LARS2: variants seen among roughly 807,000 people sequenced by gnomAD.
LARS2 encodes leucyl-tRNA synthetase 2, mitochondrial, also known as leucine--tRNA ligase, mitochondrial.
A neutral mutation model predicts 116.6 loss-of-function variants in LARS2; 81 were observed. That is an observed-to-expected ratio of 0.69 (90% CI 0.58 to 0.84). LARS2 has a LOEUF of 0.84. Ranked by LOEUF, LARS2 falls within the 40% of genes least tolerant of loss-of-function variation. The pLI is 0.00. For missense variants in LARS2, 968 were observed against 1,114.5 expected, an observed-to-expected ratio of 0.87 and a Z score of 1.87; for synonymous variants, 396 against 407.2, an observed-to-expected ratio of 0.97 and a Z score of 0.33.
chr3:45,504,604 A>G (rs1700171212), intron 15 of LARS2, among the ~76,000 whole-genome samples: 1 of 152,048 alleles, frequency 6.6e-6, no homozygotes, highest in Non-Finnish European at 1.5e-5. Flanking sequence ...AAGTGTTTGT[A>G]CTTTAGGTTC....
chr3:45,415,103 C>T (rs918542315), intron 4 of LARS2, among the ~76,000 whole-genome samples: 1 of 152,132 alleles, frequency 6.6e-6, no homozygotes, highest in Admixed American at 6.5e-5. Context: ...TGTGACTGGC[C>T]ACTCATTTGC....
At chr3:45,435,202 G>A (rs952621) in intron 6 of LARS2, among the ~76,000 whole-genome samples, 24,903 of 152,094 alleles carry the variant, frequency 0.16, 2,088 homozygotes, top group Middle Eastern at 0.22. Context: ...CTCTGACACT[G>A]TTTTATCAAG....
chr3:45,528,084 C>A (rs1036391310), intron 20 of LARS2, among the ~76,000 whole-genome samples: 2 of 152,194 alleles, frequency 1.3e-5, no homozygotes, highest in Non-Finnish European at 2.9e-5. Flanking sequence ...CGCTTGTAAT[C>A]CCAGCACTTT....
intron 6 of LARS2, among the ~76,000 whole-genome samples, chr3:45,428,239 G>GTTTTTTTTTTTTTTT (rs35323496): frequency 3.6e-5 from 3 of 84,228 alleles, no homozygotes; most frequent in Admixed American, 1.8e-4. Context: ...ATCTTAACCT[G>GTTTTTTTTTTTTTTT]TTTTTTTTTT....
intron 17 of LARS2, 67 bp from the exon 18 acceptor site, chr3:45,517,836 G>A: frequency 7.6e-7 from 1 of 1,324,204 alleles, no homozygotes; most frequent in Non-Finnish European, 1.1e-6. Context: ...TCTCTGCTTA[G>A]TTATACCAAG....
intron 4 of LARS2, among the ~76,000 whole-genome samples, chr3:45,410,080 A>C (rs1030632610): frequency 6.6e-6 from 1 of 152,256 alleles, no homozygotes; most frequent in Non-Finnish European, 1.5e-5. Context: ...ACAGAATGTT[A>C]ATAGGCAGAA....
intron 6 of LARS2, among the ~76,000 whole-genome samples, chr3:45,430,018 T>TTTTC: frequency 7.7e-6 from 1 of 130,296 alleles, no homozygotes; most frequent in South Asian, 2.8e-4. Context: ...TTTTTTTTTT[T>TTTTC]TTTTTTTTTT....
intron 1 of LARS2, 106 bp from the exon 2 acceptor site, chr3:45,391,477 C>G (rs1697947409): frequency 7.1e-6 from 1 of 140,748 alleles, no homozygotes. Context: ...GTGCGACACT[C>G]TGACTCAAAA....
intron 6 of LARS2, among the ~76,000 whole-genome samples, chr3:45,428,529 G>A (rs1286657113): frequency 6.6e-6 from 1 of 152,164 alleles, no homozygotes; most frequent in East Asian, 1.9e-4. Context: ...ACAGGCGTGA[G>A]CCACCGCGCC....
chr3:45,547,594 G>A lies in LARS2; in HGVS notation c.*64G>A, dbSNP rs1201965351. 9.8e-6 allele frequency: 14 copies of A among 1,434,502 alleles called. No individual in the cohort carries two copies. Among genetic ancestry groups the A allele is most frequent in the African/African-American group, 1.4e-5 (1 of 69,918 alleles). 88.9% of individuals were successfully genotyped at this position (1,434,502 alleles called of 1,614,324 possible). A position where few individuals can be genotyped will look rare whatever the true frequency, so the allele number is the denominator to read the frequency against. On this transcript the variant is annotated 3_prime_UTR_variant, in exon 22 of 22. Coordinates refer to ENST00000645846, the MANE Select transcript of LARS2 (RefSeq NM_015340.4). ...AACCTCCTTCCAGGCCTGGGATGAG[G>A]GGGCGATGTCTGCTGGCCCAGGGGA...
intron 15 of LARS2, among the ~76,000 whole-genome samples, chr3:45,508,513 A>C (rs1471996629): frequency 6.6e-6 from 1 of 152,120 alleles, no homozygotes. Context: ...AAGGAAGAAG[A>C]GGAAGGTAAA....
At chr3:45,443,888 C>T (rs915170289) in intron 6 of LARS2, among the ~76,000 whole-genome samples, 6 of 152,140 alleles carry the variant, frequency 3.9e-5, no homozygotes, top group East Asian at 1.9e-4. Context: ...CCACCCCTCC[C>T]TTTGCCTCAG....
chr3:45,547,500 T>C lies in LARS2; in HGVS notation c.2682T>C (p.Thr894=). The C allele has an allele frequency of 6.2e-7, 1 of 1,608,828 alleles. No individual in the cohort carries two copies. Among genetic ancestry groups the C allele is most frequent in the Non-Finnish European group, 8.5e-7 (1 of 1,178,348 alleles). The part of the protein sequence containing the change: ...SIKKSFLSPR[T]ALINFLVQD The stretch of plus-strand genomic sequence containing the variant: ...AGAAGTCCTTCCTTTCCCCGAGAAC[T>C]GCCCTCATCAACTTCCTGGTGCAAG... Residue 894 remains threonine (T), a synonymous_variant, in exon 22 of 22, where the codon ACT becomes ACC. Transcript: ENST00000645846.
At chr3:45,443,637 C>T (rs1698952317) in intron 6 of LARS2, among the ~76,000 whole-genome samples, 2 of 152,250 alleles carry the variant, frequency 1.3e-5, no homozygotes, top group South Asian at 2.1e-4. Context: ...GCACTCCCAG[C>T]CTCCTCTGGG....
intron 7 of LARS2, among the ~76,000 whole-genome samples, chr3:45,455,433 G>C (rs181277914): frequency 6.6e-6 from 1 of 151,998 alleles, no homozygotes; most frequent in Non-Finnish European, 1.5e-5. Context: ...TGTCTGGAGT[G>C]GGGAGATGCC....
intron 7 of LARS2, among the ~76,000 whole-genome samples, chr3:45,455,240 C>T (rs999952668): frequency 2.6e-5 from 4 of 151,682 alleles, no homozygotes; most frequent in African/African-American, 9.7e-5. Context: ...AGATGCCAGG[C>T]CATGTGGGAA....
At chr3:45,466,807 C>A (rs1699432818) in intron 8 of LARS2, among the ~76,000 whole-genome samples, 1 of 152,136 alleles carries the variant, frequency 6.6e-6, no homozygotes, top group Non-Finnish European at 1.5e-5. Context: ...ACCTCCACCT[C>A]CCAGATTCAA....
chr3:45,506,256 T>C (rs930396500), intron 15 of LARS2, among the ~76,000 whole-genome samples: 2 of 152,088 alleles, frequency 1.3e-5, no homozygotes, highest in Non-Finnish European at 2.9e-5. Flanking sequence ...ATTACTCTTG[T>C]TGGATCACAT....
chr3:45,547,354 A>G lies in LARS2; in HGVS notation c.2536A>G (p.Asn846Asp), dbSNP rs372207839. 12 of 1,604,392 alleles carry G rather than the reference A, an allele frequency of 7.5e-6. No homozygotes were observed. The African/African-American group carries it at 1.5e-4, about 20-fold the overall frequency. ...PEVVQMAVLI[N>D]NKACGKIPVP... Reference sequence around the variant, plus strand: ...TCTTGGCTTTTCTCCTTCTCAGATCAACAATAAAGCTTGTGGCAAAATTCC... The same window carrying G: ...TCTTGGCTTTTCTCCTTCTCAGATCGACAATAAAGCTTGTGGCAAAATTCC... The change falls in exon 22 of 22, where the codon AAC (asparagine) becomes GAC (aspartate). Residue 846 changes from asparagine to aspartate, a missense_variant. Asn to Asp is a conservative substitution (Grantham distance 23). Transcript: ENST00000645846.
Sources: allele counts gnomAD v4.1 joint callset (sites outside exome capture counted in the v4.1 genomes callset), GRCh38; gene constraint gnomAD v4.1.1; transcripts MANE v1.5; gene names NCBI Gene and HGNC (gene_info 2026-07-23, HGNC 2026-07-21).